Variants in MAB21L3 observed in about 807,000 individuals in gnomAD.
MAB21L3 encodes the protein mab-21 like 3, also known as protein mab-21-like 3.
Under a neutral mutation model 37.7 loss-of-function variants are expected in MAB21L3, and 36 were observed. The observed-to-expected ratio is 0.96, with a 90% CI of 0.73 to 1.26. MAB21L3 has a LOEUF of 1.26. MAB21L3 is among the 50% of genes most tolerant of loss of function. The pLI is 0.00. For synonymous variants in MAB21L3, 186 were observed against 176.8 expected (o/e 1.05, Z -0.41); for missense variants, 430 against 447.3 (o/e 0.96, Z 0.35).
rs773287860 is a variant in MAB21L3, at chr1:116,117,158, C to CATATATATATATATAT, written c.49-3771_49-3770insTATATATATATATATA. Among the ~76,000 whole-genome samples the CATATATATATATATAT allele has an allele frequency of 2.7e-3, 236 of 85,984 alleles. 5 individuals carry two copies. Among genetic ancestry groups the CATATATATATATATAT allele is most frequent in the Admixed American group, 0.011 (82 of 7,806 alleles). The allele number at this position is 85,984 out of a possible 152,430, so 56.4% of individuals were successfully genotyped here. On this transcript the variant is annotated intron_variant, in intron 3 of 7. Coordinates refer to ENST00000369500, the MANE Select transcript of MAB21L3 (RefSeq NM_152367.3). ...TTATTAACTCAGGAATCAAAATATA[C>CATATATATATATATAT]ATACATATATATATATATATATATA... is the stretch of plus-strand genomic sequence containing the variant.
chr1:116,124,453 A>G (rs923463443), intron 5 of MAB21L3, 96 bp downstream of exon 5: 2 of 1,119,590 alleles, frequency 1.8e-6, no homozygotes, highest in African/African-American at 3.1e-5. Context: ...CTCACAGCCT[A>G]CATTTGAGAA....
intron 3 of MAB21L3, 127 bp from the exon 4 acceptor site, chr1:116,120,805 G>A (rs1659725388): frequency 8.4e-7 from 1 of 1,186,084 alleles, no homozygotes; most frequent in Non-Finnish European, 1.2e-6. Context: ...ATCTTGGGAA[G>A]GCAGGATTTT....
chr1:116,118,359 C>T (rs998570898), intron 3 of MAB21L3, among the ~76,000 whole-genome samples: 8 of 149,384 alleles, frequency 5.4e-5, no homozygotes, highest in South Asian at 2.1e-4. Context: ...TCCAGCCTGG[C>T]GACAGAGCGA....
intron 3 of MAB21L3, among the ~76,000 whole-genome samples, chr1:116,120,402 TACACACAC>T (rs750221425): frequency 1.1e-5 from 1 of 91,688 alleles, no homozygotes; most frequent in Non-Finnish European, 2.0e-5. Flanking sequence ...TATTACATTA[TACACACAC>T]ACACACACAC....
Position 116,136,420 on chromosome 1 carries a change from A to ACGT in MAB21L3, c.*3056_*3058dup, listed in dbSNP as rs1005521429. Among the ~76,000 whole-genome samples, 1 of 151,854 alleles carries ACGT rather than the reference A, an allele frequency of 6.6e-6. No individual in the cohort carries two copies. The highest frequency in any genetic ancestry group is 1.5e-5 in the Non-Finnish European group (1 of 67,752). ...TACTTAGGAATCCAACTTACAAGGG[A>ACGT]CGTGAAGGACCTCTTCAAGGAGAAC... On this transcript the variant is annotated 3_prime_UTR_variant, in exon 8 of 8. Transcript: ENST00000369500.
rs1476259079 is a variant in MAB21L3, at chr1:116,136,412, T to A, written c.*3047T>A. On this transcript the variant is annotated 3_prime_UTR_variant, in exon 8 of 8. Transcript: ENST00000369500. ...GAATAAAATACTTAGGAATCCAACT[T>A]ACAAGGGACGTGAAGGACCTCTTCA... is the stretch of plus-strand genomic sequence containing the variant. Among the ~76,000 whole-genome samples the A allele has an allele frequency of 6.6e-6, 1 of 151,886 alleles. No individual in the cohort carries two copies. Among genetic ancestry groups the A allele is most frequent in the Non-Finnish European group, 1.5e-5 (1 of 67,850 alleles).
intron 4 of MAB21L3, 95 bp downstream of exon 4, chr1:116,121,167 A>T: frequency 8.4e-7 from 1 of 1,195,468 alleles, no homozygotes; most frequent in Non-Finnish European, 1.2e-6. Flanking sequence ...CCTCACTCAG[A>T]ATACTCATAA....
intron 5 of MAB21L3, among the ~76,000 whole-genome samples, chr1:116,126,757 T>C (rs1570810585): frequency 6.6e-6 from 1 of 152,232 alleles, no homozygotes; most frequent in African/African-American, 2.4e-5. Context: ...AGGTTTCATT[T>C]TTACAGTAGC....
Position 116,111,699 on chromosome 1 carries a change from CA to C in MAB21L3, c.-317del, listed in dbSNP as rs1659428542. The C allele has an allele frequency of 6.6e-6, 1 of 151,886 alleles. No homozygotes were observed. Among genetic ancestry groups the C allele is most frequent in the African/African-American group, 2.4e-5 (1 of 41,310 alleles). The allele number at this position is 151,886 out of a possible 1,614,324, so 9.4% of individuals were successfully genotyped here. A position where few individuals can be genotyped will look rare whatever the true frequency, so the allele number is the denominator to read the frequency against. ...TGTTTTCCAACATAAGTTTTGCTGG[CA>C]AAACCAGACGTGAGTGTTCCCTCGA... is the stretch of plus-strand genomic sequence containing the variant. On this transcript the variant is annotated 5_prime_UTR_variant, in exon 2 of 8. Transcript: ENST00000369500.
chr1:116,121,537 G>T (rs1659749423), intron 4 of MAB21L3, among the ~76,000 whole-genome samples: 1 of 151,874 alleles, frequency 6.6e-6, no homozygotes. Context: ...TCAAAGCTCA[G>T]TTAAATACAC....
chr1:116,116,587 A>G (rs1346434534), intron 3 of MAB21L3, among the ~76,000 whole-genome samples: 1 of 152,180 alleles, frequency 6.6e-6, no homozygotes, highest in Non-Finnish European at 1.5e-5. Context: ...TCAGTACTTA[A>G]GGGTGTGGCA....
intron 3 of MAB21L3, among the ~76,000 whole-genome samples, chr1:116,117,246 G>A (rs1283514987): frequency 6.8e-6 from 1 of 147,236 alleles, no homozygotes; most frequent in African/African-American, 2.5e-5. Context: ...TACATCCGTG[G>A]GGCTGGCAGA....
chr1:116,120,987 T>C lies in MAB21L3; in HGVS notation c.104T>C (p.Val35Ala). ...GCTGTGGAGGAGGTGCAGAAAGTCG[T>C]TCATCATTTGACCACAAACATCAGC... ...SQAVEEVQKV[V>A]HHLTTNISNQ... The change falls in exon 4 of 8, where the codon GTT (valine) becomes GCT (alanine). Residue 35 changes from valine (V) to alanine (A), a missense_variant. Coordinates refer to ENST00000369500, the MANE Select transcript of MAB21L3 (RefSeq NM_152367.3). The C allele has an allele frequency of 1.2e-6, 2 of 1,614,164 alleles. No individual in the cohort carries two copies. The highest frequency in any genetic ancestry group is 1.7e-6 in the Non-Finnish European group (2 of 1,180,026).
rs1660216415 is a variant in MAB21L3, at chr1:116,137,264, C to T, written c.*3899C>T. ...TAATATCCAGAATCTACAATGAACT[C>T]AAACAAATTTACAAGAAAAAAACAA... On this transcript the variant is annotated 3_prime_UTR_variant, in exon 8 of 8. Coordinates refer to ENST00000369500, the MANE Select transcript of MAB21L3 (RefSeq NM_152367.3). Among the ~76,000 whole-genome samples the T allele has an allele frequency of 8.9e-6, 1 of 112,788 alleles. No individual in the cohort carries two copies. The highest frequency in any genetic ancestry group is 1.6e-5 in the Non-Finnish European group (1 of 62,820). 74.0% of individuals were successfully genotyped at this position (112,788 alleles called of 152,430 possible).
intron 3 of MAB21L3, among the ~76,000 whole-genome samples, chr1:116,116,870 G>T (rs1305837812): frequency 6.6e-6 from 1 of 152,038 alleles, no homozygotes; most frequent in Non-Finnish European, 1.5e-5. Flanking sequence ...AGGTCATAAG[G>T]GTGAACTAAT....
Position 116,112,594 on chromosome 1 carries a change from A to C in MAB21L3, c.-22A>C. The C allele has an allele frequency of 6.2e-7, 1 of 1,612,292 alleles. No individual in the cohort carries two copies. The highest frequency in any genetic ancestry group is 8.5e-7 in the Non-Finnish European group (1 of 1,179,404). On this transcript the variant is annotated 5_prime_UTR_variant, in exon 3 of 8. Transcript: ENST00000369500. The stretch of plus-strand genomic sequence containing the variant: ...AAAAAAACCAGGAAGTTGCTGTTCT[A>C]CTGAGGACTGACCAAGAAGCCATGA...
chr1:116,113,539 T>C (rs975578461), intron 3 of MAB21L3, among the ~76,000 whole-genome samples: 3 of 152,158 alleles, frequency 2.0e-5, no homozygotes, highest in African/African-American at 7.2e-5. Flanking sequence ...AACTTTTTAG[T>C]GTGGTGTTCA....
In MAB21L3 at chr1:116,135,643, C is replaced by T. The variant is rs1203147116; in HGVS notation, c.*2278C>T. 2.0e-5 allele frequency among the ~76,000 whole-genome samples: 3 copies of T among 152,220 alleles called. No individual in the cohort carries two copies. Among genetic ancestry groups the T allele is most frequent in the South Asian group, 2.1e-4 (1 of 4,830 alleles). ...ACTCATTTTATGAGGCCAGCATCAT[C>T]CTGATACCAAAGCCGGGCAGAGACA... On this transcript the variant is annotated 3_prime_UTR_variant, in exon 8 of 8. Transcript: ENST00000369500.
chr1:116,133,348 C>T lies in MAB21L3; in HGVS notation c.1072C>T (p.Gln358Ter), dbSNP rs1660127045. Reference sequence around the variant, plus strand: ...GCTGGCCACCTTCCTGAAGAACCCCCAGATCGGCCCGCCCTGATGGTTGCC... The same window carrying T: ...GCTGGCCACCTTCCTGAAGAACCCCTAGATCGGCCCGCCCTGATGGTTGCC... ...QKLATFLKNP[Q>*]IGPP The change falls in exon 8 of 8, where the codon CAG becomes TAG. Residue 358 changes from glutamine to a stop codon, truncating the protein, a stop_gained. Coordinates refer to ENST00000369500, the MANE Select transcript of MAB21L3 (RefSeq NM_152367.3). LOFTEE classifies it high-confidence loss of function. 1 of 1,614,222 alleles carries T rather than the reference C, an allele frequency of 6.2e-7. No individual in the cohort carries two copies. The highest frequency in any genetic ancestry group is 8.5e-7 in the Non-Finnish European group (1 of 1,180,030).
Sources: gnomAD v4.1 joint callset for allele counts (sites outside exome capture counted in the v4.1 genomes callset) on GRCh38, gnomAD v4.1.1 for gene constraint, MANE v1.5 for transcripts, NCBI Gene and HGNC (gene_info 2026-07-23, HGNC 2026-07-21) for gene names.